NEBL: variants seen among roughly 807,000 people sequenced by gnomAD.
NEBL encodes nebulette.
A neutral mutation model predicts 140.2 loss-of-function variants in NEBL; 122 were observed. That is an observed-to-expected ratio of 0.87 (90% CI 0.75 to 1.01). The LOEUF (loss-of-function observed/expected upper bound fraction) is 1.01. NEBL is among the 50% of genes least tolerant of loss of function. The probability of loss-of-function intolerance (pLI) is 0.00; values close to 1 mark genes in which losing one functional copy is unlikely to be tolerated. For missense variants in NEBL, 1,365 were observed against 1,231.3 expected (o/e 1.11, Z -1.62); for synonymous variants, 436 against 398.9 (o/e 1.09, Z -1.11).
chr10:21,266,937 T>C (rs1842803079), intron 1 of NEBL, among the ~76,000 whole-genome samples: 1 of 151,798 alleles, frequency 6.6e-6, no homozygotes, highest in East Asian at 1.9e-4. Flanking sequence ...CCACCATGAC[T>C]GGATAATTTT....
At chr10:21,113,233 T>C in intron 2 of NEBL, 1 of 296,090 alleles carries the variant, frequency 3.4e-6, no homozygotes, top group Non-Finnish European at 6.1e-6. Flanking sequence ...CAAAAATCAT[T>C]TCCACCATGG....
intron 2 of NEBL, among the ~76,000 whole-genome samples, chr10:21,065,558 GC>G (rs1217899959): frequency 2.0e-5 from 3 of 152,214 alleles, no homozygotes; most frequent in African/African-American, 7.2e-5. Context: ...CTTCTGAAAT[GC>G]AGGTAGAAAC....
At chr10:20,815,938 T>G (rs1026390727) in intron 21 of NEBL, 5 of 503,996 alleles carry the variant, frequency 9.9e-6, no homozygotes, top group Non-Finnish European at 1.8e-5. Context: ...CTGGCTAATT[T>G]TTGTATTTTT....
At chr10:20,811,768 A>G (rs910865464) in intron 24 of NEBL, among the ~76,000 whole-genome samples, 2 of 152,230 alleles carry the variant, frequency 1.3e-5, no homozygotes, top group Admixed American at 1.3e-4. Flanking sequence ...TAACACTGAT[A>G]TTACTGAGTG....
intron 3 of NEBL, among the ~76,000 whole-genome samples, chr10:21,219,699 T>C (rs1433005825): frequency 1.3e-5 from 2 of 152,198 alleles, no homozygotes; most frequent in Non-Finnish European, 2.9e-5. Flanking sequence ...TTGACAATAT[T>C]AATTCTGCCA....
chr10:21,253,242 G>T (rs894821549), intron 1 of NEBL, among the ~76,000 whole-genome samples: 9 of 152,184 alleles, frequency 5.9e-5, no homozygotes, highest in African/African-American at 2.2e-4. Context: ...TTGCACTCTT[G>T]CCTGGGCGAC....
rs139515442 is a variant in NEBL at position 21,201,759 on chromosome 10, A to T, written n.349-29282T>A. On this transcript the variant is annotated intron_variant and non_coding_transcript_variant, in intron 3 of 8. Transcript: ENST00000675702. ...AATATTTTCATAGAAAATATTACAAATATTTCAGTCTTTCCTCTAGCATGG... is the reference window on the plus strand; with the variant it reads ...AATATTTTCATAGAAAATATTACAATTATTTCAGTCTTTCCTCTAGCATGG... Among the ~76,000 whole-genome samples the T allele has an allele frequency of 4.6e-3, 696 of 152,322 alleles. 8 individuals carry two copies. Among genetic ancestry groups the T allele is most frequent in the African/African-American group, 0.015 (643 of 41,554 alleles).
Position 20,868,776 on chromosome 10 carries a change from T to C in NEBL, c.583-11A>G, listed in dbSNP as rs755415540. On this transcript the variant is annotated splice_polypyrimidine_tract_variant and intron_variant, in intron 6 of 27. Coordinates refer to ENST00000377122, the MANE Select transcript of NEBL (RefSeq NM_006393.3). ...TTTCTTGTATTCTGCCTAAAATGAA[T>C]AAATAAGACAATGTTAAATATTTCT... 2.6e-6 allele frequency: 4 copies of C among 1,548,506 alleles called. No individual in the cohort carries two copies. Among genetic ancestry groups the C allele is most frequent in the Non-Finnish European group, 3.6e-6 (4 of 1,122,066 alleles).
intron 3 of NEBL, among the ~76,000 whole-genome samples, chr10:20,976,425 A>G (rs7896089): frequency 0.1 from 15,730 of 151,972 alleles, 2,070 homozygotes; most frequent in African/African-American, 0.32. Flanking sequence ...CTAGGTACAT[A>G]CCCAAAAGAA....
intron 3 of NEBL, among the ~76,000 whole-genome samples, chr10:21,187,577 G>A (rs536598806): frequency 2.0e-5 from 3 of 151,968 alleles, no homozygotes; most frequent in Non-Finnish European, 4.4e-5. Flanking sequence ...GCAGTAGCAT[G>A]ATCACGGCTC....
intron 3 of NEBL, among the ~76,000 whole-genome samples, chr10:20,962,888 A>G (rs1268908157): frequency 6.6e-6 from 1 of 152,068 alleles, no homozygotes; most frequent in Non-Finnish European, 1.5e-5. Context: ...TTCGTTGAAC[A>G]TGGAATGGCT....
chr10:20,931,115 A>G (rs964470925), intron 4 of NEBL, among the ~76,000 whole-genome samples: 5 of 87,220 alleles, frequency 5.7e-5, no homozygotes, highest in East Asian at 2.3e-4. Flanking sequence ...CTTTCCCATA[A>G]GAAAAAAAAA....
At chr10:21,185,809 C>T (rs1176088177) in intron 3 of NEBL, among the ~76,000 whole-genome samples, 3 of 152,110 alleles carry the variant, frequency 2.0e-5, no homozygotes, top group Admixed American at 6.5e-5. Context: ...CTTTCTGCCC[C>T]CTTTTCCTCA....
chr10:21,173,669 C>A lies in NEBL; in HGVS notation c.69+96G>T. ...CAAGGCACACGCACACGCACCGACC[C>A]ACTCATTGCTTTCCATCCCAGGTGC... On this transcript the variant is annotated intron_variant, in intron 1 of 6. Transcript: ENST00000417816. This position sits in a 1 kb window ranked among gnomAD's most constrained non-coding sequence, Gnocchi z 5.7. 7 of 1,588,568 alleles carry A rather than the reference C, an allele frequency of 4.4e-6. No individual in the cohort carries two copies. The South Asian group carries it at 5.6e-5, about 13-fold the overall frequency.
At chr10:20,905,922 C>G (rs923065028) in intron 4 of NEBL, among the ~76,000 whole-genome samples, 1 of 152,154 alleles carries the variant, frequency 6.6e-6, no homozygotes, top group Admixed American at 6.5e-5. Context: ...GCAGTTATAA[C>G]AATTCCTAGT....
intron 2 of NEBL, among the ~76,000 whole-genome samples, chr10:21,047,763 C>G (rs1834586150): frequency 6.6e-6 from 1 of 152,092 alleles, no homozygotes; most frequent in Non-Finnish European, 1.5e-5. Flanking sequence ...TGACTTTGAC[C>G]AAATCACTTC....
chr10:20,896,045 G>C (rs962042839), intron 2 of NEBL, among the ~76,000 whole-genome samples: 1 of 152,136 alleles, frequency 6.6e-6, no homozygotes, highest in African/African-American at 2.4e-5. Context: ...CTCCTGCCCA[G>C]GACTGACTTC....
chr10:21,102,877 T>A (rs1419596381), intron 2 of NEBL, among the ~76,000 whole-genome samples: 1 of 152,168 alleles, frequency 6.6e-6, no homozygotes, highest in African/African-American at 2.4e-5. Context: ...TGTGCAGGTT[T>A]GTTACATAGG....
At chr10:21,215,883 C>G (rs750749578) in intron 3 of NEBL, among the ~76,000 whole-genome samples, 4 of 152,160 alleles carry the variant, frequency 2.6e-5, no homozygotes, top group Admixed American at 6.5e-5. Context: ...GTTGCTCAGG[C>G]TGGTCTTAAA....
Sources: allele counts gnomAD v4.1 joint callset (sites outside exome capture counted in the v4.1 genomes callset), GRCh38; gene constraint gnomAD v4.1.1; non-coding constraint Gnocchi (gnomAD v3.1); transcripts MANE v1.5; gene names NCBI Gene and HGNC (gene_info 2026-07-23, HGNC 2026-07-21).